ULK4: variants seen among roughly 807,000 people sequenced by gnomAD.
ULK4 encodes unc-51 like kinase 4.
Under a neutral mutation model 160.6 loss-of-function variants are expected in ULK4, and 133 were observed. The observed-to-expected ratio is 0.83, with a 90% confidence interval of 0.72 to 0.96. The LOEUF (loss-of-function observed/expected upper bound fraction) is 0.96. Ranked by LOEUF, ULK4 falls within the 40% of genes least tolerant of loss-of-function variation. ULK4 has a pLI of 0.00. For missense variants in ULK4, 1,580 were observed against 1,499.5 expected (o/e 1.05, Z -0.89); for synonymous variants, 534 against 539.8 (o/e 0.99, Z 0.15).
chr3:41,406,469 C>T (rs7634995), intron 34 of ULK4, among the ~76,000 whole-genome samples: 3 of 151,966 alleles, frequency 2.0e-5, no homozygotes, highest in Non-Finnish European at 2.9e-5. Context: ...TGGTTCCATA[C>T]GAATTTTAGA....
chr3:41,665,890 T>G (rs1342014730), intron 29 of ULK4, among the ~76,000 whole-genome samples: 1 of 152,208 alleles, frequency 6.6e-6, no homozygotes, highest in East Asian at 1.9e-4. Flanking sequence ...TGTAATGATT[T>G]GCTAGAAGGA....
chr3:41,491,059 T>C (rs1495698), intron 32 of ULK4, among the ~76,000 whole-genome samples: 47,339 of 152,008 alleles, frequency 0.31, 7,594 homozygotes, highest in Non-Finnish European at 0.34. Flanking sequence ...AACGAAAAGA[T>C]GAGATCACTG....
intron 22 of ULK4, among the ~76,000 whole-genome samples, chr3:41,741,727 A>C (rs971949601): frequency 3.3e-5 from 5 of 151,964 alleles, no homozygotes; most frequent in African/African-American, 1.2e-4. Context: ...TGTGAAAAGT[A>C]GCTCTGCTAA....
intron 22 of ULK4, among the ~76,000 whole-genome samples, chr3:41,743,983 C>T (rs1005549624): frequency 3.3e-5 from 5 of 151,842 alleles, no homozygotes; most frequent in African/African-American, 1.2e-4. Flanking sequence ...TAGGTGTTTA[C>T]TCTTCATTCA....
intron 35 of ULK4, among the ~76,000 whole-genome samples, chr3:41,268,626 T>C (rs527777520): frequency 1.6e-4 from 25 of 151,804 alleles, no homozygotes; most frequent in Admixed American, 5.2e-4. Context: ...GCCAACATGG[T>C]GAAACCCCAT....
rs547501459 is a variant in ULK4, at chr3:41,319,700, T to G, written c.3679-70126A>C. The stretch of plus-strand genomic sequence containing the variant: ...TGTGCCTGATACTTTTCTAAATACT[T>G]TATATGTATTAATCTCATGTAATCC... On this transcript the variant is annotated intron_variant, in intron 35 of 36. Transcript: ENST00000301831. 4.6e-4 allele frequency among the ~76,000 whole-genome samples: 70 copies of G among 152,338 alleles called. 1 individual carries two copies. Among genetic ancestry groups the G allele is most frequent in the African/African-American group, 1.7e-3 (69 of 41,578 alleles).
intron 32 of ULK4, among the ~76,000 whole-genome samples, chr3:41,559,146 G>A (rs556597370): frequency 5.3e-5 from 8 of 149,824 alleles, no homozygotes; most frequent in East Asian, 2.0e-4. Flanking sequence ...CTGTCCTTGC[G>A]ATAGTTTACT....
intron 25 of ULK4, among the ~76,000 whole-genome samples, chr3:41,712,318 T>C (rs979969485): frequency 6.6e-6 from 1 of 152,072 alleles, no homozygotes; most frequent in Non-Finnish European, 1.5e-5. Flanking sequence ...ACCCTTCTAA[T>C]GCACAGAGAT....
chr3:41,377,538 ACAAC>A (rs1278269971), intron 35 of ULK4, among the ~76,000 whole-genome samples: 2,043 of 148,546 alleles, frequency 0.014, 44 homozygotes, highest in African/African-American at 0.047. Flanking sequence ...AAAAAAACAA[ACAAC>A]CCCATCAAAA....
At chr3:41,959,135 G>A (rs1016553478) in intron 1 of ULK4, among the ~76,000 whole-genome samples, 3 of 151,948 alleles carry the variant, frequency 2.0e-5, no homozygotes, top group African/African-American at 4.8e-5. Flanking sequence ...GGGCCGAGGA[G>A]GGTGGATCAC....
rs572666948 is a variant in ULK4, at chr3:41,335,909, A to G, written c.3678+62170T>C. On this transcript the variant is annotated intron_variant, in intron 35 of 36. Transcript: ENST00000301831. ...AAAAATGCTCTACATTCTTTTAAAG[A>G]AATAGTTAACCTGTGAAAAACAGGT... Among the ~76,000 whole-genome samples, 3 of 152,382 alleles carry G rather than the reference A, an allele frequency of 2.0e-5. No individual in the cohort carries two copies. The South Asian group carries it at 6.2e-4, about 32-fold the overall frequency.
chr3:41,273,935 C>A (rs897079812), intron 35 of ULK4, among the ~76,000 whole-genome samples: 2 of 152,130 alleles, frequency 1.3e-5, no homozygotes, highest in Non-Finnish European at 2.9e-5. Flanking sequence ...AAGCCCACAC[C>A]AGAAGCCAGG....
chr3:41,905,196 C>T (rs1187619068), intron 12 of ULK4, among the ~76,000 whole-genome samples: 2 of 152,178 alleles, frequency 1.3e-5, no homozygotes, highest in African/African-American at 4.8e-5. Flanking sequence ...GTCAATCGAT[C>T]TTCAGCAAGG....
At chr3:41,341,635 G>T (rs1310826783) in intron 35 of ULK4, among the ~76,000 whole-genome samples, 1 of 152,178 alleles carries the variant, frequency 6.6e-6, no homozygotes, top group South Asian at 2.1e-4. Flanking sequence ...AGAACAAGAA[G>T]GGTAGAGAAC....
chr3:41,746,792 G>T (rs527309058), intron 22 of ULK4, among the ~76,000 whole-genome samples: 2 of 151,952 alleles, frequency 1.3e-5, no homozygotes, highest in Admixed American at 6.6e-5. Context: ...TATTGATAAA[G>T]GGACAGACAC....
intron 17 of ULK4, chr3:41,882,117 C>G: frequency 1.5e-6 from 1 of 686,010 alleles, no homozygotes; most frequent in Middle Eastern, 2.3e-4. Context: ...GCAAAACACA[C>G]CATCTTCCAG....
chr3:41,937,465 A>C, intron 3 of ULK4: 1 of 573,566 alleles, frequency 1.7e-6, no homozygotes, highest in Non-Finnish European at 3.1e-6. Flanking sequence ...TCAATATTCA[A>C]TTATCCTTTA....
chr3:41,291,182 A>G (rs2079553815), intron 35 of ULK4, among the ~76,000 whole-genome samples: 1 of 152,078 alleles, frequency 6.6e-6, no homozygotes, highest in African/African-American at 2.4e-5. Flanking sequence ...CCTGACTGGA[A>G]TACCTAGAAT....
chr3:41,826,502 T>G (rs1213880048), intron 18 of ULK4, among the ~76,000 whole-genome samples: 1 of 151,350 alleles, frequency 6.6e-6, no homozygotes, highest in Non-Finnish European at 1.5e-5. Flanking sequence ...AGGCAGGGGT[T>G]GCAATCCTAG....
Sources: allele counts gnomAD v4.1 joint callset (sites outside exome capture counted in the v4.1 genomes callset), GRCh38; gene constraint gnomAD v4.1.1; transcripts MANE v1.5; gene names NCBI Gene and HGNC (gene_info 2026-07-23, HGNC 2026-07-21).